Variants in ARHGEF26 observed in about 807,000 individuals in gnomAD.
ARHGEF26 encodes Rho guanine nucleotide exchange factor 26.
A neutral mutation model predicts 89.4 loss-of-function variants in ARHGEF26; 59 were observed. That is an observed-to-expected ratio of 0.66 (90% confidence interval 0.54 to 0.82). The LOEUF is 0.82. ARHGEF26 is among the 40% of genes least tolerant of loss of function. The probability of loss-of-function intolerance (pLI) is 0.00; values close to 1 mark genes in which losing one functional copy is unlikely to be tolerated. For synonymous variants in ARHGEF26, 500 were observed against 428.4 expected, an observed-to-expected ratio of 1.17 and a Z score of -2.06; for missense variants, 1,234 against 1,085.6, an observed-to-expected ratio of 1.14 and a Z score of -1.92.
intron 10 of ARHGEF26, among the ~76,000 whole-genome samples, chr3:154,221,098 T>G (rs1559909093): frequency 6.6e-6 from 1 of 152,028 alleles, no homozygotes. Context: ...CACTTTCATC[T>G]TGGCCTGTCT....
At chr3:154,146,772 GT>G (rs1478896876) in intron 4 of ARHGEF26, among the ~76,000 whole-genome samples, 44 of 152,160 alleles carry the variant, frequency 2.9e-4, no homozygotes, top group African/African-American at 1.1e-3. Flanking sequence ...TCATTTTCTT[GT>G]TTTATTTGAA....
chr3:154,198,102 G>T (rs946687841), intron 9 of ARHGEF26, among the ~76,000 whole-genome samples: 2 of 152,100 alleles, frequency 1.3e-5, no homozygotes, highest in Non-Finnish European at 2.9e-5. Flanking sequence ...AAGTACATGT[G>T]TATGACAAAT....
intron 9 of ARHGEF26, among the ~76,000 whole-genome samples, chr3:154,213,459 C>A (rs989535059): frequency 1.1e-4 from 16 of 152,062 alleles, no homozygotes; most frequent in Non-Finnish European, 1.9e-4. Flanking sequence ...ATTGATGCAC[C>A]ATTGCTTAAG....
rs565644352 is a variant in ARHGEF26 at position 154,191,180 on chromosome 3, T to G, written c.1641-109T>G. On this transcript the variant is annotated intron_variant, in intron 7 of 14. Coordinates refer to ENST00000465093, the MANE Select transcript of ARHGEF26 (RefSeq NM_015595.4). ...TATGATATTTTCATACAGTTTAAAA[T>G]AGTTGATGCTATATGGATTTATCAC... The G allele has an allele frequency of 8.4e-6, 10 of 1,189,520 alleles. No homozygotes were observed. In the South Asian group the frequency reaches 1.6e-4, roughly 19 times the overall value. The allele number at this position is 1,189,520 out of a possible 1,614,324, so 73.7% of individuals were successfully genotyped here.
Position 154,122,061 on chromosome 3 carries a change from T to G in ARHGEF26, c.69T>G (p.Ile23Met), listed in dbSNP as rs748571817. 4 of 1,611,974 alleles carry G rather than the reference T, an allele frequency of 2.5e-6. No individual in the cohort carries two copies. Among genetic ancestry groups the G allele is most frequent in the African/African-American group, 1.3e-5 (1 of 74,848 alleles). ...SITPLWRRRS[I>M]PQPHQVLGRS... ...CCCCTTTGTGGCGGAGGCGGTCGATTCCTCAGCCCCACCAGGTTCTGGGCC... is the reference window on the plus strand; with the variant it reads ...CCCCTTTGTGGCGGAGGCGGTCGATGCCTCAGCCCCACCAGGTTCTGGGCC... The change falls in exon 2 of 15, where the codon ATT becomes ATG. Residue 23 changes from isoleucine (I) to methionine (M), a missense_variant. Transcript: ENST00000465093.
chr3:154,126,952 A>G (rs1007767914), intron 3 of ARHGEF26, among the ~76,000 whole-genome samples: 6 of 152,230 alleles, frequency 3.9e-5, no homozygotes, highest in African/African-American at 1.4e-4. Flanking sequence ...TGAATACTGT[A>G]GGCAGTTGTA....
At chr3:154,171,262 T>C (rs917642032) in intron 6 of ARHGEF26, among the ~76,000 whole-genome samples, 1 of 152,164 alleles carries the variant, frequency 6.6e-6, no homozygotes, top group Non-Finnish European at 1.5e-5. Flanking sequence ...AGAGTTCTTA[T>C]ATACCCCCTG....
chr3:154,215,007 T>G (rs1183499635), intron 9 of ARHGEF26, among the ~76,000 whole-genome samples: 1 of 152,208 alleles, frequency 6.6e-6, no homozygotes, highest in Non-Finnish European at 1.5e-5. Context: ...AATAAATATA[T>G]TGGGGAAAGT....
At chr3:154,169,224 C>A (rs911564530) in intron 6 of ARHGEF26, among the ~76,000 whole-genome samples, 1 of 152,028 alleles carries the variant, frequency 6.6e-6, no homozygotes, top group African/African-American at 2.4e-5. Flanking sequence ...CTACAGGAGC[C>A]TGATACATTT....
intron 3 of ARHGEF26, among the ~76,000 whole-genome samples, chr3:154,125,273 T>C (rs1718262055): frequency 6.6e-6 from 1 of 152,202 alleles, no homozygotes; most frequent in Non-Finnish European, 1.5e-5. Context: ...CCTTAGGTGA[T>C]TGTCAAGTAA....
chr3:154,241,033 C>T (rs528801989), intron 12 of ARHGEF26, among the ~76,000 whole-genome samples: 29 of 152,246 alleles, frequency 1.9e-4, no homozygotes, highest in African/African-American at 3.1e-4. Context: ...AAAAGAGCTA[C>T]CCAGTTTACG....
At chr3:154,153,698 C>T (rs952495405) in intron 6 of ARHGEF26, among the ~76,000 whole-genome samples, 1 of 151,964 alleles carries the variant, frequency 6.6e-6, no homozygotes, top group Non-Finnish European at 1.5e-5. Flanking sequence ...GTTCCCTGGC[C>T]ACCTGAAACA....
At chr3:154,126,039 T>A (rs1718312031) in intron 3 of ARHGEF26, among the ~76,000 whole-genome samples, 1 of 152,148 alleles carries the variant, frequency 6.6e-6, no homozygotes, top group African/African-American at 2.4e-5. Flanking sequence ...TAAGTTGTTG[T>A]GAAAATGAAT....
At chr3:154,133,700 A>G (rs1417326100) in intron 4 of ARHGEF26, among the ~76,000 whole-genome samples, 1 of 151,952 alleles carries the variant, frequency 6.6e-6, no homozygotes, top group East Asian at 2.0e-4. Flanking sequence ...TTGGTTCCAT[A>G]TGGATTTTAG....
At chr3:154,187,401 G>GT (rs1713644095) in intron 6 of ARHGEF26, among the ~76,000 whole-genome samples, 1 of 112,100 alleles carries the variant, frequency 8.9e-6, no homozygotes, top group African/African-American at 3.2e-5. Context: ...TTTTTTTTTG[G>GT]TTTTGTCTTG....
At chr3:154,216,498 TTTTATTTTTTA>T (rs1559905615) in intron 9 of ARHGEF26, among the ~76,000 whole-genome samples, 8 of 34,370 alleles carry the variant, frequency 2.3e-4, no homozygotes, top group African/African-American at 1.3e-3. Flanking sequence ...TTTTATTTTT[TTTTATTTTTTA>T]TTTTTTTTTT....
intron 9 of ARHGEF26, among the ~76,000 whole-genome samples, chr3:154,208,083 G>A (rs530488125): frequency 6.6e-6 from 1 of 152,136 alleles, no homozygotes; most frequent in Non-Finnish European, 1.5e-5. Context: ...CATACACTGG[G>A]GCCTATTGGA....
upstream of ARHGEF26, chr3:154,121,018 T>G (rs537044747): frequency 4.4e-4 from 67 of 152,356 alleles, no homozygotes; most frequent in African/African-American, 1.6e-3. Flanking sequence ...TCTGCGCTAC[T>G]GCCCACGCAT....
intron 9 of ARHGEF26, among the ~76,000 whole-genome samples, chr3:154,213,241 G>GTATATATATA (rs750841371): frequency 0.013 from 1,831 of 145,582 alleles, 20 homozygotes; most frequent in South Asian, 0.023. Flanking sequence ...GTGTGTGTGT[G>GTATATATATA]TATATATATA....
Sources: gnomAD v4.1 joint callset for allele counts (sites outside exome capture counted in the v4.1 genomes callset) on GRCh38, gnomAD v4.1.1 for gene constraint, MANE v1.5 for transcripts, NCBI Gene and HGNC (gene_info 2026-07-23, HGNC 2026-07-21) for gene names.